PPP2CB: variants seen among roughly 807,000 people sequenced by gnomAD.
PPP2CB encodes serine/threonine-protein phosphatase 2A catalytic subunit beta isoform.
In PPP2CB, 18 loss-of-function variants were observed where a neutral mutation model predicts 39.1. That is an observed-to-expected ratio of 0.46 (90% CI 0.32 to 0.68). The LOEUF is 0.68. Among genes scored for constraint, PPP2CB ranks in the 30% least tolerant of loss-of-function variants. PPP2CB has a pLI of 0.04. For synonymous variants in PPP2CB, 129 were observed against 133.8 expected, an observed-to-expected ratio of 0.96 and a Z score of 0.25; for missense variants, 226 against 396.9, an observed-to-expected ratio of 0.57 and a Z score of 3.66.
chr8:30,801,078 G>A (rs1383464102), intron 1 of PPP2CB, among the ~76,000 whole-genome samples: 1 of 146,624 alleles, frequency 6.8e-6, no homozygotes, highest in African/African-American at 2.5e-5. Context: ...GCATGGTGGT[G>A]TGTGCCTATA....
At chr8:30,806,315 AAG>A (rs998805965) in intron 1 of PPP2CB, among the ~76,000 whole-genome samples, 6 of 151,986 alleles carry the variant, frequency 3.9e-5, no homozygotes, top group Non-Finnish European at 8.8e-5. Flanking sequence ...TGGCCTCCCA[AAG>A]TGCTGGGATT....
At chr8:30,804,975 T>A (rs1404481963) in intron 1 of PPP2CB, among the ~76,000 whole-genome samples, 2 of 152,190 alleles carry the variant, frequency 1.3e-5, no homozygotes, top group African/African-American at 4.8e-5. Context: ...CAATGCCTGG[T>A]GTTCATTAAT....
chr8:30,791,882 A>C (rs927411594), intron 5 of PPP2CB, among the ~76,000 whole-genome samples: 1 of 151,962 alleles, frequency 6.6e-6, no homozygotes, highest in African/African-American at 2.4e-5. Flanking sequence ...GTGTGTGCAT[A>C]TATGTATACA....
chr8:30,795,013 TTC>T lies in PPP2CB; in HGVS notation c.487-734_487-733del, dbSNP rs375698140. Among the ~76,000 whole-genome samples the T allele has an allele frequency of 1.9e-4, 29 of 152,334 alleles. No individual in the cohort carries two copies. In the East Asian group the frequency reaches 4.6e-3, roughly 24 times the overall value. ...AATAAAATGGAATAATACAAATGTT[TTC>T]TGTTTTGTTTTTTGTAAACTACCTA... On this transcript the variant is annotated intron_variant, in intron 3 of 6. Transcript: ENST00000221138.
intron 1 of PPP2CB, among the ~76,000 whole-genome samples, chr8:30,800,630 CCTCT>C (rs1480292894): frequency 2.6e-5 from 4 of 152,070 alleles, no homozygotes; most frequent in Non-Finnish European, 4.4e-5. Flanking sequence ...ATCGATCTGG[CCTCT>C]CTGCCTAATA....
intron 1 of PPP2CB, among the ~76,000 whole-genome samples, chr8:30,800,864 T>A (rs1440791167): frequency 6.6e-6 from 1 of 152,104 alleles, no homozygotes; most frequent in East Asian, 1.9e-4. Context: ...CTGGGACTAA[T>A]ACAGAATGCA....
chr8:30,792,619 CTTTT>C (rs770242496), intron 5 of PPP2CB, among the ~76,000 whole-genome samples: 1 of 131,504 alleles, frequency 7.6e-6, no homozygotes, highest in South Asian at 2.5e-4. Context: ...AACTTTTTGA[CTTTT>C]TTTTTTTTTT....
In PPP2CB at chr8:30,812,532, C is replaced by G. The variant is rs1806859294; in HGVS notation, c.-111G>C. The stretch of plus-strand genomic sequence containing the variant: ...CGCCGCTCCCCTCTCCCTCCGCCGC[C>G]GTCGCCAGGTCCCACAGGGGGAGGA... On this transcript the variant is annotated 5_prime_UTR_variant, in exon 1 of 7. Coordinates refer to ENST00000221138, the MANE Select transcript of PPP2CB (RefSeq NM_001009552.2). 5.9e-6 allele frequency: 4 copies of G among 678,696 alleles called. No homozygotes were observed. Among genetic ancestry groups the G allele is most frequent in the South Asian group, 5.9e-5 (2 of 33,708 alleles). 42.0% of individuals were successfully genotyped at this position (678,696 alleles called of 1,614,324 possible). A position where few individuals can be genotyped will look rare whatever the true frequency, so the allele number is the denominator to read the frequency against.
chr8:30,802,373 C>T (rs1806641325), intron 1 of PPP2CB, among the ~76,000 whole-genome samples: 2 of 152,174 alleles, frequency 1.3e-5, no homozygotes, highest in South Asian at 2.1e-4. Context: ...AAGAACATGG[C>T]TGAGGAGATT....
Position 30,791,183 on chromosome 8 carries a change from T to A in PPP2CB, c.857+14A>T, listed in dbSNP as rs1806421731. Reference sequence around the variant, plus strand: ...TTCTGAAAGTATATACAATTAAAATTTACAGTTACTCACAAGGAATATTTT... The same window carrying A: ...TTCTGAAAGTATATACAATTAAAATATACAGTTACTCACAAGGAATATTTT... On this transcript the variant is annotated intron_variant, in intron 6 of 6. Transcript: ENST00000221138. The A allele has an allele frequency of 4.0e-6, 6 of 1,515,430 alleles. No individual in the cohort carries two copies. The highest frequency in any genetic ancestry group is 5.4e-6 in the Non-Finnish European group (6 of 1,107,360). The allele number at this position is 1,515,430 out of a possible 1,614,324, so 93.9% of individuals were successfully genotyped here.
At chr8:30,798,835 T>G (rs1036651728) in intron 2 of PPP2CB, among the ~76,000 whole-genome samples, 1 of 152,142 alleles carries the variant, frequency 6.6e-6, no homozygotes, top group African/African-American at 2.4e-5. Context: ...TGGTTGAAGG[T>G]TACATGGAGG....
intron 3 of PPP2CB, among the ~76,000 whole-genome samples, chr8:30,796,951 C>T (rs966582497): frequency 1.3e-5 from 2 of 152,152 alleles, no homozygotes; most frequent in African/African-American, 4.8e-5. Flanking sequence ...TGAAGAGATC[C>T]TCTCACCTCT....
chr8:30,791,864 GTATA>G (rs200149486), intron 5 of PPP2CB, among the ~76,000 whole-genome samples: 119 of 151,420 alleles, frequency 7.9e-4, no homozygotes, highest in Non-Finnish European at 4.6e-4. Context: ...GTGTATATAT[GTATA>G]TATGTGTGTG....
rs1806589489 is a variant in PPP2CB at position 30,799,762 on chromosome 8, G to T, written c.103-7C>A. 1 of 1,610,140 alleles carries T rather than the reference G, an allele frequency of 6.2e-7. No individual in the cohort carries two copies. The highest frequency in any genetic ancestry group is 2.2e-5 in the East Asian group (1 of 44,814). On this transcript the variant is annotated splice_region_variant and splice_polypyrimidine_tract_variant and intron_variant, in intron 1 of 6. Transcript: ENST00000221138. ...TTGTTAAAATTTCCTTTGCCTGTTA[G>T]AAAAGTGAAATCAACAATTACAAAG...
chr8:30,798,420 T>C (rs1229324486), intron 2 of PPP2CB, among the ~76,000 whole-genome samples: 2 of 152,238 alleles, frequency 1.3e-5, no homozygotes, highest in Non-Finnish European at 2.9e-5. Context: ...GCATCCGTTA[T>C]GTGTCTAACG....
chr8:30,799,739 G>C lies in PPP2CB; in HGVS notation c.119C>G (p.Thr40Arg), dbSNP rs1806589137. The change falls in exon 2 of 7, where the codon ACA becomes AGA. Residue 40 changes from threonine (T) to arginine (R), a missense_variant. By Grantham distance (71) the Thr-to-Arg change is moderately conservative. Around this residue, in one of 4 missense-constraint regions of PPP2CB, gnomAD observed 110 missense variants for 244.1 expected, o/e 0.45. Coordinates refer to ENST00000221138, the MANE Select transcript of PPP2CB (RefSeq NM_001009552.2). ...AACCTCTTGCACATTTGATTCTTTT[G>C]TTAAAATTTCCTTTGCCTGTTAGAA... Reference protein sequence around the residue: ...TLCEKAKEILTKESNVQEVRC... With the variant: ...TLCEKAKEILRKESNVQEVRC... 3 of 1,613,418 alleles carry C rather than the reference G, an allele frequency of 1.9e-6. No individual in the cohort carries two copies. Among genetic ancestry groups the C allele is most frequent in the Non-Finnish European group, 2.5e-6 (3 of 1,179,682 alleles).
intron 1 of PPP2CB, 106 bp from the exon 2 acceptor site, chr8:30,799,861 G>T: frequency 1.1e-6 from 1 of 929,646 alleles, no homozygotes; most frequent in Admixed American, 2.5e-5. Context: ...TTATAAAAGC[G>T]TATGTGAAAA....
chr8:30,786,022 C>CCTAT lies in PPP2CB; in HGVS notation c.*212_*213insATAG, dbSNP rs3832549. 0.12 allele frequency: 81,826 copies of CCTAT among 667,438 alleles called. 5,702 individuals are homozygous for CCTAT. Among genetic ancestry groups the CCTAT allele is most frequent in the African/African-American group, 0.24 (13,538 of 56,290 alleles). The allele number at this position is 667,438 out of a possible 1,614,324, so 41.3% of individuals were successfully genotyped here. A position where few individuals can be genotyped will look rare whatever the true frequency, so the allele number is the denominator to read the frequency against. ...TACAGCAGGCAAACTGTTAGACTGA[C>CCTAT]CTAGAACATAGTGTACTAAATTTCA... On this transcript the variant is annotated 3_prime_UTR_variant, in exon 7 of 7. Coordinates refer to ENST00000221138, the MANE Select transcript of PPP2CB (RefSeq NM_001009552.2).
At chr8:30,811,236 TTATA>T in intron 1 of PPP2CB, among the ~76,000 whole-genome samples, 1 of 152,284 alleles carries the variant, frequency 6.6e-6, no homozygotes, top group South Asian at 2.1e-4. Flanking sequence ...GAAAAAAACT[TTATA>T]TATATTAAAA....
Sources: allele counts gnomAD v4.1 joint callset (sites outside exome capture counted in the v4.1 genomes callset), GRCh38; gene constraint gnomAD v4.1.1; regional missense constraint gnomAD v4.1.1; transcripts MANE v1.5; gene names NCBI Gene and HGNC (gene_info 2026-07-23, HGNC 2026-07-21).